Variants in OTULINL observed in about 807,000 individuals in gnomAD.
OTULINL encodes inactive ubiquitin thioesterase OTULINL.
OTULINL carries 42 observed loss-of-function variants against 43.9 expected under a neutral mutation model. The observed-to-expected ratio is 0.96, with a 90% CI of 0.75 to 1.24. The LOEUF is 1.24. Among genes scored for constraint, OTULINL ranks in the 50% most tolerant of loss-of-function variants. The pLI, the probability that OTULINL is intolerant of heterozygous loss-of-function variation, is 0.00. For synonymous variants in OTULINL, 172 were observed against 153.6 expected, an observed-to-expected ratio of 1.12 and a Z score of -0.88; for missense variants, 411 against 426.4, an observed-to-expected ratio of 0.96 and a Z score of 0.32.
At chr5:14,606,061 T>A (rs1196614185) in intron 5 of OTULINL, among the ~76,000 whole-genome samples, 1 of 152,192 alleles carries the variant, frequency 6.6e-6, no homozygotes, top group Non-Finnish European at 1.5e-5. Context: ...ACACTGCTGA[T>A]AAAGACATAA....
chr5:14,598,203 C>T (rs1020656656), intron 1 of OTULINL, among the ~76,000 whole-genome samples: 1 of 152,226 alleles, frequency 6.6e-6, no homozygotes, highest in African/African-American at 2.4e-5. Context: ...GAGGGGGCAG[C>T]AGCCATCCCC....
At position 14,601,088 on chromosome 5, in the gene OTULINL, G is replaced by A. The variant is rs145378226; in HGVS notation, c.188G>A (p.Arg63Gln). The A allele has an allele frequency of 2.0e-5, 33 of 1,612,712 alleles. No homozygotes were observed. The highest frequency in any genetic ancestry group is 1.4e-4 in the South Asian group (13 of 90,756). Residue 63 changes from arginine to glutamine, a missense_variant, in exon 2 of 8, where the codon CGG becomes CAG. Arg to Gln is a conservative substitution (Grantham distance 43). Coordinates refer to ENST00000274217, the MANE Select transcript of OTULINL (RefSeq NM_019018.3). ...CTGGTGGCTGCCATCTGCTACTTCC[G>A]GAGGCTACATTTATATTCAGGGCAC... ...SFLVAAICYF[R>Q]RLHLYSGHKL...
rs976119951 is a variant in OTULINL at position 14,611,138 on chromosome 5, C to G, written c.*824C>G. 2.0e-5 allele frequency: 3 copies of G among 152,006 alleles called. No homozygotes were observed. Among genetic ancestry groups the G allele is most frequent in the African/African-American group, 7.3e-5 (3 of 41,344 alleles). 9.4% of individuals were successfully genotyped at this position (152,006 alleles called of 1,614,324 possible). A position where few individuals can be genotyped will look rare whatever the true frequency, so the allele number is the denominator to read the frequency against. ...CTCATTATGGTAGGCAGAATAATGC[C>G]CTATGCTCCCCAAAGATGTCTGTGT... is the stretch of plus-strand genomic sequence containing the variant. On this transcript the variant is annotated 3_prime_UTR_variant, in exon 8 of 8. Transcript: ENST00000274217.
At position 14,594,012 on chromosome 5, in the gene OTULINL, A is replaced by C. The variant is rs367550852; in HGVS notation, c.65-6953A>C. ...AGTTGTTGGTTATTGTATTCTACTA[A>C]GTGGAAGACTGTCATTTCTTATTGA... On this transcript the variant is annotated intron_variant, in intron 1 of 7. Transcript: ENST00000274217. 2.6e-5 allele frequency among the ~76,000 whole-genome samples: 4 copies of C among 152,388 alleles called. No homozygotes were observed. In the East Asian group the frequency reaches 5.8e-4, roughly 22 times the overall value.
At chr5:14,595,107 A>C (rs1474547290) in intron 1 of OTULINL, among the ~76,000 whole-genome samples, 1 of 152,116 alleles carries the variant, frequency 6.6e-6, no homozygotes, top group East Asian at 1.9e-4. Context: ...AGACATCTAA[A>C]TTAAATTGCC....
At chr5:14,589,677 A>G (rs1040028277) in intron 1 of OTULINL, among the ~76,000 whole-genome samples, 3 of 152,176 alleles carry the variant, frequency 2.0e-5, no homozygotes, top group African/African-American at 7.2e-5. Flanking sequence ...TTGGCCAAGC[A>G]CGGTGGCTCA....
Position 14,610,148 on chromosome 5 carries a change from T to A in OTULINL, c.905T>A (p.Met302Lys). The change falls in exon 8 of 8, where the codon ATG (methionine) becomes AAG (lysine). Residue 302 changes from methionine to lysine, a missense_variant. Coordinates refer to ENST00000274217, the MANE Select transcript of OTULINL (RefSeq NM_019018.3). ...CTTTCATCTCATCCACAGATTGATA[T>A]GTTTATACTTGGATACTCCCTTGAA... ...GDTCGLEQID[M>K]FILGYSLEVK... 6.2e-7 allele frequency: 1 copy of A among 1,612,784 alleles called. No individual in the cohort carries two copies. Among genetic ancestry groups the A allele is most frequent in the Non-Finnish European group, 8.5e-7 (1 of 1,178,984 alleles).
At position 14,594,311 on chromosome 5, in the gene OTULINL, G is replaced by T. The variant is rs554796725; in HGVS notation, c.65-6654G>T. On this transcript the variant is annotated intron_variant, in intron 1 of 7. Transcript: ENST00000274217. ...TCTGTGTGTTTTTCCTTCTGTTTGT[G>T]TAGTGCTTAATTTATTTGTTTAGAC... Among the ~76,000 whole-genome samples, 6 of 152,336 alleles carry T rather than the reference G, an allele frequency of 3.9e-5. No homozygotes were observed. The South Asian group carries it at 1.2e-3, about 32-fold the overall frequency.
In OTULINL at chr5:14,608,856, A is replaced by G. The variant is rs1759524622; in HGVS notation, c.736A>G (p.Ile246Val). ...EYKLYEALKF[I>V]MLYQVTEVYE... is the part of the protein sequence containing the mutation. ...TAAACTTTATGAAGCTTTAAAGTTC[A>G]TCATGCTGTATCAAGTCACTGAAGT... The change falls in exon 7 of 8, where the codon ATC becomes GTC. Residue 246 changes from isoleucine to valine, a missense_variant. Ile to Val is a conservative substitution (Grantham distance 29). Coordinates refer to ENST00000274217, the MANE Select transcript of OTULINL (RefSeq NM_019018.3). 6.2e-7 allele frequency: 1 copy of G among 1,614,186 alleles called. No individual in the cohort carries two copies.
chr5:14,601,047 G>A lies in OTULINL; in HGVS notation c.147G>A (p.Met49Ile), dbSNP rs1371136399. 1.2e-6 allele frequency: 2 copies of A among 1,611,206 alleles called. No individual in the cohort carries two copies. Among genetic ancestry groups the A allele is most frequent in the Non-Finnish European group, 1.7e-6 (2 of 1,179,318 alleles). The change falls in exon 2 of 8, where the codon ATG (methionine) becomes ATA (isoleucine). Residue 49 changes from methionine to isoleucine, a missense_variant. Coordinates refer to ENST00000274217, the MANE Select transcript of OTULINL (RefSeq NM_019018.3). ...GGAGAATGGCAAAAGGCTTTGTGATGTTGGCAGTTTCATTTCTGGTGGCTG... is the reference window on the plus strand; with the variant it reads ...GGAGAATGGCAAAAGGCTTTGTGATATTGGCAGTTTCATTTCTGGTGGCTG... ...TVWRMAKGFV[M>I]LAVSFLVAAI...
chr5:14,600,846 C>A, intron 1 of OTULINL, 119 bp from the exon 2 acceptor site: 1 of 858,260 alleles, frequency 1.2e-6, no homozygotes, highest in Non-Finnish European at 1.6e-6. Flanking sequence ...TTATGTAAAT[C>A]AGTGATAGAT....
rs1380225275 is a variant in OTULINL, at chr5:14,608,707, A to G, written c.628-41A>G. ...AAGTTATGGAATGGTATATGTCTTC[A>G]CCTTTATCCTTCTGAATTTCACTTT... On this transcript the variant is annotated intron_variant, in intron 6 of 7. Coordinates refer to ENST00000274217, the MANE Select transcript of OTULINL (RefSeq NM_019018.3). 3.3e-6 allele frequency: 5 copies of G among 1,501,430 alleles called. No individual in the cohort carries two copies. The South Asian group carries it at 3.8e-5, about 11-fold the overall frequency. 93.0% of individuals were successfully genotyped at this position (1,501,430 alleles called of 1,614,324 possible).
intron 1 of OTULINL, among the ~76,000 whole-genome samples, chr5:14,598,502 T>TA (rs1759331253): frequency 6.6e-6 from 1 of 152,184 alleles, no homozygotes; most frequent in African/African-American, 2.4e-5. Flanking sequence ...ATTATCCTAT[T>TA]AAAAATCTAC....
rs543368757 is a variant in OTULINL, at chr5:14,610,996, C to T, written c.*682C>T. The T allele has an allele frequency of 3.6e-4, 55 of 152,086 alleles. No individual in the cohort carries two copies. Among genetic ancestry groups the T allele is most frequent in the African/African-American group, 1.2e-3 (49 of 41,492 alleles). 9.4% of individuals were successfully genotyped at this position (152,086 alleles called of 1,614,324 possible). A position where few individuals can be genotyped will look rare whatever the true frequency, so the allele number is the denominator to read the frequency against. On this transcript the variant is annotated 3_prime_UTR_variant, in exon 8 of 8. Coordinates refer to ENST00000274217, the MANE Select transcript of OTULINL (RefSeq NM_019018.3). ...TTTTGTTACTATTTTATCTGGCCAG[C>T]TTAATAGTTTTATTTAGATTTTTTA...
rs2126790142 is a variant in OTULINL at position 14,613,908 on chromosome 5, G to A, written c.*3594G>A. Among the ~76,000 whole-genome samples the A allele has an allele frequency of 6.6e-6, 1 of 152,298 alleles. No individual in the cohort carries two copies. The highest frequency in any genetic ancestry group is 1.9e-4 in the East Asian group (1 of 5,194). On this transcript the variant is annotated 3_prime_UTR_variant, in exon 8 of 8. Coordinates refer to ENST00000274217, the MANE Select transcript of OTULINL (RefSeq NM_019018.3). ...TGGAAATATTTGTTCTCAGTCAGAT[G>A]AGTTTCTCCTATTTTAGTGAGACCA...
intron 3 of OTULINL, 42 bp downstream of exon 3, chr5:14,601,286 A>G (rs1425160427): frequency 6.2e-7 from 1 of 1,609,504 alleles, no homozygotes; most frequent in East Asian, 2.2e-5. Flanking sequence ...TTTAAGGTGC[A>G]GAGAGGGTTC....
intron 1 of OTULINL, among the ~76,000 whole-genome samples, chr5:14,599,725 C>T (rs1759350175): frequency 6.6e-6 from 1 of 152,214 alleles, no homozygotes; most frequent in African/African-American, 2.4e-5. Context: ...TCCTCTTTCT[C>T]ATTTGTACTT....
At chr5:14,597,165 A>G (rs990190328) in intron 1 of OTULINL, among the ~76,000 whole-genome samples, 3 of 152,194 alleles carry the variant, frequency 2.0e-5, no homozygotes, top group Non-Finnish European at 4.4e-5. Flanking sequence ...AATAAAAACA[A>G]TAATTCGTGT....
At chr5:14,593,868 G>A (rs1373488404) in intron 1 of OTULINL, among the ~76,000 whole-genome samples, 1 of 152,158 alleles carries the variant, frequency 6.6e-6, no homozygotes, top group Non-Finnish European at 1.5e-5. Flanking sequence ...CTGGGGGGAT[G>A]GTGCTGATAG....
Sources: allele counts gnomAD v4.1 joint callset (sites outside exome capture counted in the v4.1 genomes callset), GRCh38; gene constraint gnomAD v4.1.1; transcripts MANE v1.5; gene names NCBI Gene and HGNC (gene_info 2026-07-23, HGNC 2026-07-21).